The following AMBP variants were observed in gnomAD, a reference collection of about 807,000 sequenced individuals.
The protein encoded by AMBP is alpha-1-microglobulin/bikunin precursor.
Under a neutral mutation model 46.3 loss-of-function variants are expected in AMBP, and 37 were observed. The observed-to-expected ratio is 0.80, with a 90% confidence interval of 0.61 to 1.05. AMBP has a LOEUF of 1.05. Ranked by LOEUF, AMBP falls within the 50% of genes least tolerant of loss-of-function variation. AMBP has a pLI of 0.00. For synonymous variants in AMBP, 174 were observed against 175.9 expected, an observed-to-expected ratio of 0.99 and a Z score of 0.09; for missense variants, 475 against 461.2, an observed-to-expected ratio of 1.03 and a Z score of -0.27.
At chr9:114,073,956 T>A in intron 4 of AMBP, 80 bp downstream of exon 4, 1 of 1,360,898 alleles carries the variant, frequency 7.3e-7, no homozygotes, top group Non-Finnish European at 1.1e-6. Flanking sequence ...AAACTCCCTG[T>A]GCTTACCCAC....
intron 8 of AMBP, 130 bp from the exon 9 acceptor site, chr9:114,061,228 T>G (rs1846633953): frequency 7.2e-6 from 10 of 1,394,844 alleles, no homozygotes; most frequent in Non-Finnish European, 9.7e-6. Context: ...ATGGGGAAAC[T>G]GGGGCCCACA....
At chr9:114,061,850 GT>G (rs1393487580) in intron 7 of AMBP, among the ~76,000 whole-genome samples, 1 of 152,012 alleles carries the variant, frequency 6.6e-6, no homozygotes, top group Non-Finnish European at 1.5e-5. Context: ...CAGGCCCACT[GT>G]CCCCCTGTAT....
rs147706990 is a variant in AMBP, at chr9:114,074,358, T to C, written c.338-206A>G. ...TCCTCCATGTACTCACATTAATTCA[T>C]CCACCATCACTCAATCCATCTATCC... On this transcript the variant is annotated intron_variant, in intron 3 of 9. Transcript: ENST00000265132. 3.2e-3 allele frequency among the ~76,000 whole-genome samples: 494 copies of C among 152,300 alleles called. 4 individuals carry two copies. Among genetic ancestry groups the C allele is most frequent in the African/African-American group, 0.011 (460 of 41,552 alleles).
At chr9:114,061,728 C>G (rs1846641324) in intron 7 of AMBP, 137 bp from the exon 8 acceptor site, 11 of 1,084,874 alleles carry the variant, frequency 1.0e-5, no homozygotes, top group Non-Finnish European at 1.3e-5. Context: ...CAAACTGACT[C>G]TCAGAGAGGT....
chr9:114,074,909 G>A (rs765382231), intron 3 of AMBP, 51 bp downstream of exon 3: 1 of 1,513,034 alleles, frequency 6.6e-7, no homozygotes, highest in Non-Finnish European at 9.2e-7. Context: ...GGACATCAAG[G>A]TATTTTCAAG....
At chr9:114,074,810 G>GGAGGAGGAA (rs1319333470) in intron 3 of AMBP, 150 bp downstream of exon 3, 4 of 667,322 alleles carry the variant, frequency 6.0e-6, no homozygotes, top group Non-Finnish European at 1.1e-5. Context: ...AGGAGAAGGA[G>GGAGGAGGAA]GAGGAGGAAG....
At chr9:114,077,734 G>C (rs924160287) in intron 1 of AMBP, 12 of 230,980 alleles carry the variant, frequency 5.2e-5, no homozygotes, top group African/African-American at 2.6e-4. Flanking sequence ...AGAGAGAGGG[G>C]AGTCATTAGA....
In AMBP at chr9:114,072,912, G is replaced by T; in HGVS notation, c.556+13C>A. The T allele has an allele frequency of 1.2e-6, 2 of 1,612,010 alleles. No homozygotes were observed. Among genetic ancestry groups the T allele is most frequent in the Non-Finnish European group, 1.7e-6 (2 of 1,178,402 alleles). On this transcript the variant is annotated intron_variant, in intron 5 of 9. Coordinates refer to ENST00000265132, the MANE Select transcript of AMBP (RefSeq NM_001633.4). ...GAGGGGACAGGAATTTGAGGCGGAG[G>T]GGTGCTATGTACCTCGGTCAGCCAT...
chr9:114,061,206 C>T, intron 8 of AMBP, 108 bp from the exon 9 acceptor site: 1 of 1,437,676 alleles, frequency 7.0e-7, no homozygotes, highest in Middle Eastern at 1.8e-4. Context: ...ACACCTCATC[C>T]CTCGTTGACA....
intron 5 of AMBP, among the ~76,000 whole-genome samples, chr9:114,070,939 C>T (rs1323762021): frequency 6.6e-6 from 1 of 152,112 alleles, no homozygotes; most frequent in African/African-American, 2.4e-5. Flanking sequence ...GCAAGGGGAG[C>T]CTCAGGCCAC....
At chr9:114,061,261 G>A (rs1187256574) in intron 8 of AMBP, 163 bp from the exon 9 acceptor site, 2 of 1,399,870 alleles carry the variant, frequency 1.4e-6, no homozygotes, top group Non-Finnish European at 1.9e-6. Flanking sequence ...TTTGCCCGAG[G>A]TCCTCCACAT....
intron 6 of AMBP, among the ~76,000 whole-genome samples, chr9:114,068,117 G>A (rs1846710934): frequency 1.3e-5 from 2 of 152,078 alleles, no homozygotes; most frequent in African/African-American, 4.8e-5. Flanking sequence ...ACTCTCAAAG[G>A]GAGTGCTCCT....
At chr9:114,068,146 G>A (rs1020239194) in intron 6 of AMBP, among the ~76,000 whole-genome samples, 2 of 152,138 alleles carry the variant, frequency 1.3e-5, no homozygotes, top group African/African-American at 2.4e-5. Flanking sequence ...TTCAAGTCAC[G>A]GAGATAATAA....
chr9:114,076,857 G>T, intron 1 of AMBP, 117 bp from the exon 2 acceptor site: 2 of 1,296,412 alleles, frequency 1.5e-6, no homozygotes, highest in Non-Finnish European at 2.1e-6. Flanking sequence ...TCCTCAAAAT[G>T]ACTTATCCTT....
At chr9:114,062,802 C>T (rs779613308) in intron 6 of AMBP, 44 bp from the exon 7 acceptor site, 21 of 1,577,622 alleles carry the variant, frequency 1.3e-5, no homozygotes, top group Admixed American at 5.0e-5. Context: ...GACTCCTTGC[C>T]GCTATTGCTT....
At position 114,060,913 on chromosome 9, in the gene AMBP, A is replaced by G. The variant is rs772227182; in HGVS notation, c.1027+12T>C. On this transcript the variant is annotated intron_variant, in intron 9 of 9. Transcript: ENST00000265132. ...CCCTCGGCCCAGCCTGGCACCCTGC[A>G]GGGCTGCCTACCATCACCAGGGACA... 10 of 1,610,808 alleles carry G rather than the reference A, an allele frequency of 6.2e-6. No individual in the cohort carries two copies. The highest frequency in any genetic ancestry group is 1.6e-4 in the Middle Eastern group (1 of 6,068).
chr9:114,068,208 C>T (rs1846711604), intron 6 of AMBP, among the ~76,000 whole-genome samples: 1 of 152,124 alleles, frequency 6.6e-6, no homozygotes, highest in African/African-American at 2.4e-5. Context: ...TGTCTTTTCA[C>T]AACCTTGACT....
intron 5 of AMBP, 37 bp from the exon 6 acceptor site, chr9:114,069,782 G>GACC: frequency 6.2e-7 from 1 of 1,611,300 alleles, no homozygotes; most frequent in Non-Finnish European, 8.5e-7. Flanking sequence ...TGAATAACAG[G>GACC]ACCAGGCCCA....
chr9:114,071,089 G>C (rs1252857530), intron 5 of AMBP, among the ~76,000 whole-genome samples: 3 of 152,184 alleles, frequency 2.0e-5, no homozygotes, highest in Non-Finnish European at 2.9e-5. Flanking sequence ...CCATTGAGCT[G>C]GTGGGAGCTG....
Sources: gnomAD v4.1 joint callset for allele counts (sites outside exome capture counted in the v4.1 genomes callset) on GRCh38, gnomAD v4.1.1 for gene constraint, MANE v1.5 for transcripts, NCBI Gene and HGNC (gene_info 2026-07-23, HGNC 2026-07-21) for gene names.